RBFOX1: variants seen among roughly 807,000 people sequenced by gnomAD.
RBFOX1 encodes RNA binding fox-1 homolog 1.
In RBFOX1, 8 loss-of-function variants were observed where a neutral mutation model predicts 57.7. The ratio of observed to expected loss-of-function variants is 0.14; its 90% confidence interval spans 0.08 to 0.25. The LOEUF (loss-of-function observed/expected upper bound fraction) is 0.25, where lower values mean the gene tolerates loss of function less well. Among genes scored for constraint, RBFOX1 ranks in the 10% least tolerant of loss-of-function variants. RBFOX1 has a pLI of 1.00. For synonymous variants in RBFOX1, 326 were observed against 222.4 expected, an observed-to-expected ratio of 1.47 and a Z score of -4.15; for missense variants, 611 against 548.5, an observed-to-expected ratio of 1.11 and a Z score of -1.14.
chr16:7,115,677 GGAC>G (rs2065750523), intron 4 of RBFOX1, among the ~76,000 whole-genome samples: 1 of 152,166 alleles, frequency 6.6e-6, no homozygotes, highest in African/African-American at 2.4e-5. Flanking sequence ...ATGAAAGAGG[GGAC>G]ACCCAAGACA....
chr16:7,172,989 A>C (rs1251964011), intron 4 of RBFOX1, among the ~76,000 whole-genome samples: 2 of 152,206 alleles, frequency 1.3e-5, no homozygotes, highest in Non-Finnish European at 1.5e-5. Flanking sequence ...AAGAATTGCA[A>C]AACAAAGAAA....
intron 14 of RBFOX1, among the ~76,000 whole-genome samples, chr16:7,683,564 C>G (rs972634875): frequency 7.2e-5 from 11 of 152,208 alleles, no homozygotes; most frequent in Non-Finnish European, 1.6e-4. Flanking sequence ...CAGACCGTAG[C>G]TGTCACAGCC....
chr16:6,511,907 T>C (rs1239136095), intron 2 of RBFOX1, among the ~76,000 whole-genome samples: 5 of 152,088 alleles, frequency 3.3e-5, no homozygotes, highest in African/African-American at 1.2e-4. Context: ...GGAGTGTCTA[T>C]TTCATAAAGT....
chr16:6,823,394 T>G (rs1603629098), intron 3 of RBFOX1, among the ~76,000 whole-genome samples: 1 of 152,146 alleles, frequency 6.6e-6, no homozygotes, highest in East Asian at 1.9e-4. Context: ...GTAGCTAGTA[T>G]TATATATGTG....
At chr16:7,651,215 T>A (rs1347370408) in intron 11 of RBFOX1, among the ~76,000 whole-genome samples, 1 of 152,216 alleles carries the variant, frequency 6.6e-6, no homozygotes, top group Non-Finnish European at 1.5e-5. Flanking sequence ...GTGGGACCTT[T>A]AAGAACACAC....
intron 2 of RBFOX1, among the ~76,000 whole-genome samples, chr16:5,583,268 C>T (rs971980215): frequency 2.0e-5 from 3 of 152,182 alleles, no homozygotes; most frequent in Admixed American, 6.5e-5. Flanking sequence ...CTCCATACTT[C>T]TATATTTGAG....
intron 3 of RBFOX1, among the ~76,000 whole-genome samples, chr16:5,743,046 GT>G (rs201325017): frequency 1.3e-5 from 2 of 151,340 alleles, no homozygotes; most frequent in East Asian, 1.9e-4. Context: ...CTATTAGCCT[GT>G]TTTTTTTTCT....
At chr16:5,519,487 G>C (rs1265253704) in intron 2 of RBFOX1, among the ~76,000 whole-genome samples, 2 of 152,244 alleles carry the variant, frequency 1.3e-5, no homozygotes, top group Admixed American at 6.5e-5. Flanking sequence ...GCTCTGGGAA[G>C]CTGAGATGGG....
intron 1 of RBFOX1, among the ~76,000 whole-genome samples, chr16:5,419,727 A>G (rs1266626198): frequency 6.6e-6 from 1 of 151,992 alleles, no homozygotes; most frequent in African/African-American, 2.4e-5. Flanking sequence ...ATCTGAACAC[A>G]AAAGACCTGA....
chr16:5,922,324 G>C (rs1026341802), intron 4 of RBFOX1, among the ~76,000 whole-genome samples: 6 of 152,236 alleles, frequency 3.9e-5, no homozygotes, highest in African/African-American at 1.4e-4. Flanking sequence ...TGAGAGCTGA[G>C]ATGTAAAGGG....
At chr16:6,057,331 A>G (rs2095626968) in intron 1 of RBFOX1, among the ~76,000 whole-genome samples, 1 of 152,010 alleles carries the variant, frequency 6.6e-6, no homozygotes, top group Non-Finnish European at 1.5e-5. Context: ...GTTTAATATC[A>G]TGCAACTGTT....
chr16:6,858,497 A>C (rs1323310271), intron 3 of RBFOX1, among the ~76,000 whole-genome samples: 2 of 152,152 alleles, frequency 1.3e-5, no homozygotes, highest in Non-Finnish European at 2.9e-5. Context: ...GAGGTAGAAC[A>C]TACTCCTTGA....
chr16:6,835,338 A>C (rs1181576060), intron 3 of RBFOX1, among the ~76,000 whole-genome samples: 2 of 151,990 alleles, frequency 1.3e-5, no homozygotes, highest in Non-Finnish European at 2.9e-5. Flanking sequence ...ATAGGCATAG[A>C]CTCCTTGATA....
In RBFOX1 at chr16:7,597,446, G is replaced by C; in HGVS notation, c.622+15G>C. ...TTATACAAATGGTAAGTAGAGATTG[G>C]CCTTTTACAAGAAATTCTCTCTACT... is the stretch of plus-strand genomic sequence containing the variant. On this transcript the variant is annotated intron_variant, in intron 9 of 15. Coordinates refer to ENST00000550418, the MANE Select transcript of RBFOX1 (RefSeq NM_018723.4). The C allele has an allele frequency of 6.3e-7, 1 of 1,579,516 alleles. No individual in the cohort carries two copies. The highest frequency in any genetic ancestry group is 8.7e-7 in the Non-Finnish European group (1 of 1,154,612).
chr16:5,375,694 A>G (rs1483450878), intron 1 of RBFOX1, among the ~76,000 whole-genome samples: 1 of 152,224 alleles, frequency 6.6e-6, no homozygotes, highest in Admixed American at 6.5e-5. Context: ...GGGGTTGCCA[A>G]ATGTTCTCTG....
chr16:6,692,252 C>A (rs1445376079), intron 3 of RBFOX1, among the ~76,000 whole-genome samples: 1 of 152,134 alleles, frequency 6.6e-6, no homozygotes, highest in Non-Finnish European at 1.5e-5. Context: ...TAAGATCACC[C>A]AGGGAGTAAA....
intron 3 of RBFOX1, among the ~76,000 whole-genome samples, chr16:6,753,927 T>A (rs2075370396): frequency 6.6e-6 from 1 of 152,118 alleles, no homozygotes; most frequent in African/African-American, 2.4e-5. Context: ...TGGGTTTGAA[T>A]GCTTAATTAC....
chr16:7,149,091 G>C (rs182123302), intron 4 of RBFOX1, among the ~76,000 whole-genome samples: 1 of 152,264 alleles, frequency 6.6e-6, no homozygotes, highest in East Asian at 1.9e-4. Context: ...TCTCACAGTG[G>C]GAGACAGTCT....
chr16:5,633,661 G>C (rs1175127662), intron 3 of RBFOX1, among the ~76,000 whole-genome samples: 2 of 152,032 alleles, frequency 1.3e-5, no homozygotes, highest in African/African-American at 4.8e-5. Context: ...CTCACCTGAG[G>C]TGGGGAGTTT....
Sources: gnomAD v4.1 joint callset for allele counts (sites outside exome capture counted in the v4.1 genomes callset) on GRCh38, gnomAD v4.1.1 for gene constraint, MANE v1.5 for transcripts, NCBI Gene and HGNC (gene_info 2026-07-23, HGNC 2026-07-21) for gene names.